ELAVL2: variants seen among roughly 807,000 people sequenced by gnomAD.
The protein encoded by ELAVL2 is ELAV-like protein 2.
In ELAVL2, 4 loss-of-function variants were observed where a neutral mutation model predicts 34.6. That is an observed-to-expected ratio of 0.12 (90% CI 0.06 to 0.26). The LOEUF is 0.26. Among genes scored for constraint, ELAVL2 ranks in the 10% least tolerant of loss-of-function variants. The pLI, the probability that ELAVL2 is intolerant of heterozygous loss-of-function variation, is 1.00. For synonymous variants in ELAVL2, 193 were observed against 154.8 expected (o/e 1.25, Z -1.83); for missense variants, 432 against 442.8 (o/e 0.98, Z 0.22).
At chr9:23,804,495 G>A (rs1292149591) in intron 1 of ELAVL2, among the ~76,000 whole-genome samples, 1 of 152,090 alleles carries the variant, frequency 6.6e-6, no homozygotes, top group Admixed American at 6.6e-5. Flanking sequence ...CTATATAATA[G>A]AGATATATAC....
chr9:23,761,089 T>C (rs1399235172), intron 2 of ELAVL2, among the ~76,000 whole-genome samples: 1 of 152,126 alleles, frequency 6.6e-6, no homozygotes, highest in Admixed American at 6.6e-5. Flanking sequence ...CCTGGTCTCA[T>C]TCTTCACACT....
chr9:23,706,812 GAATTGTGCCCACA>G, intron 3 of ELAVL2, among the ~76,000 whole-genome samples: 1 of 152,164 alleles, frequency 6.6e-6, no homozygotes, highest in East Asian at 1.9e-4. Flanking sequence ...CCCATAATTT[GAATTGTGCCCACA>G]GCTCTCTGTT....
chr9:23,808,786 C>T (rs2062587381), intron 1 of ELAVL2, among the ~76,000 whole-genome samples: 1 of 151,986 alleles, frequency 6.6e-6, no homozygotes, highest in African/African-American at 2.4e-5. Flanking sequence ...AAATGTTAGC[C>T]ATAATGAAAA....
chr9:23,758,646 T>C (rs112738539), intron 2 of ELAVL2, among the ~76,000 whole-genome samples: 2 of 152,142 alleles, frequency 1.3e-5, no homozygotes, highest in Admixed American at 6.6e-5. Flanking sequence ...CAACAAATGA[T>C]TTCAAAAGCT....
chr9:23,741,759 C>CTGCA, intron 2 of ELAVL2, among the ~76,000 whole-genome samples: 1 of 143,016 alleles, frequency 7.0e-6, no homozygotes, highest in Non-Finnish European at 1.5e-5. Flanking sequence ...TGCACCACTT[C>CTGCA]TGCACGTCTC....
intron 1 of ELAVL2, among the ~76,000 whole-genome samples, chr9:23,774,013 C>G (rs1043191281): frequency 6.6e-6 from 1 of 151,710 alleles, no homozygotes; most frequent in African/African-American, 2.4e-5. Context: ...ATATCGAGAC[C>G]ACCCTGGCTA....
At chr9:23,790,647 T>C (rs1347376906) in intron 1 of ELAVL2, among the ~76,000 whole-genome samples, 1 of 152,166 alleles carries the variant, frequency 6.6e-6, no homozygotes, top group Non-Finnish European at 1.5e-5. Flanking sequence ...ACAGCCAAAT[T>C]AGGCTGGAGC....
chr9:23,745,651 T>A (rs889255569), intron 2 of ELAVL2, among the ~76,000 whole-genome samples: 2 of 152,134 alleles, frequency 1.3e-5, no homozygotes, highest in African/African-American at 4.8e-5. Flanking sequence ...ACTTATCCCA[T>A]AGGACACAGA....
chr9:23,739,466 T>G (rs1169737251), intron 2 of ELAVL2, among the ~76,000 whole-genome samples: 2 of 152,186 alleles, frequency 1.3e-5, no homozygotes, highest in Non-Finnish European at 2.9e-5. Context: ...CTACTTTCAA[T>G]TAAAAGTTTG....
chr9:23,811,648 C>A (rs1331448813), intron 1 of ELAVL2, among the ~76,000 whole-genome samples: 2 of 152,272 alleles, frequency 1.3e-5, no homozygotes, highest in East Asian at 3.9e-4. Context: ...AAATGTTATA[C>A]CCAGAGGAGG....
At chr9:23,757,741 G>A (rs767303702) in intron 2 of ELAVL2, among the ~76,000 whole-genome samples, 7 of 151,888 alleles carry the variant, frequency 4.6e-5, no homozygotes, top group African/African-American at 1.2e-4. Context: ...CCAAAGAGAC[G>A]GACCTGACAA....
chr9:23,746,116 C>A (rs2050417606), intron 2 of ELAVL2, among the ~76,000 whole-genome samples: 1 of 152,142 alleles, frequency 6.6e-6, no homozygotes, highest in African/African-American at 2.4e-5. Context: ...CAAAGTGACA[C>A]AAATATGAGT....
the ELAVL2 span, among the ~76,000 whole-genome samples, chr9:23,850,549 C>T: frequency 6.6e-6 from 1 of 151,972 alleles, no homozygotes; most frequent in Non-Finnish European, 1.5e-5. Flanking sequence ...AGCCGAGAGC[C>T]CCAGGAGCAG....
chr9:23,776,435 T>C (rs1794678334), intron 1 of ELAVL2, among the ~76,000 whole-genome samples: 1 of 152,110 alleles, frequency 6.6e-6, no homozygotes, highest in Non-Finnish European at 1.5e-5. Flanking sequence ...CTGAAGTTTA[T>C]ACTCTCTCCC....
intron 2 of ELAVL2, among the ~76,000 whole-genome samples, chr9:23,741,230 C>T (rs1056700838): frequency 1.3e-5 from 2 of 152,026 alleles, no homozygotes; most frequent in Non-Finnish European, 2.9e-5. Context: ...AGAGACAAGC[C>T]AAAAGCATAC....
At chr9:23,823,368 C>T (rs2065068668) in intron 1 of ELAVL2, among the ~76,000 whole-genome samples, 1 of 152,214 alleles carries the variant, frequency 6.6e-6, no homozygotes, top group Non-Finnish European at 1.5e-5. Flanking sequence ...CGCCCTACTT[C>T]CTGACGCTGA....
At chr9:23,729,103 G>A (rs964546482) in intron 3 of ELAVL2, among the ~76,000 whole-genome samples, 1 of 152,252 alleles carries the variant, frequency 6.6e-6, no homozygotes, top group East Asian at 1.9e-4. Context: ...TGAAGGCCAC[G>A]GGCATTTCTC....
intron 3 of ELAVL2, among the ~76,000 whole-genome samples, chr9:23,719,316 A>T (rs1166811375): frequency 6.6e-6 from 1 of 152,200 alleles, no homozygotes; most frequent in Admixed American, 6.5e-5. Flanking sequence ...CTTGGCAGAT[A>T]AATGTTCTTT....
intron 2 of ELAVL2, among the ~76,000 whole-genome samples, chr9:23,759,345 C>A (rs775586752): frequency 1.3e-5 from 2 of 151,688 alleles, no homozygotes; most frequent in Non-Finnish European, 2.9e-5. Context: ...TAGGTAGAAT[C>A]GAAAAATGCT....
Sources: gnomAD v4.1 joint callset for allele counts (sites outside exome capture counted in the v4.1 genomes callset) on GRCh38, gnomAD v4.1.1 for gene constraint, MANE v1.5 for transcripts, NCBI Gene and HGNC (gene_info 2026-07-23, HGNC 2026-07-21) for gene names.